Variants in DLGAP2 observed in about 807,000 individuals in gnomAD.
The protein encoded by DLGAP2 is disks large-associated protein 2.
In DLGAP2, 26 loss-of-function variants were observed where a neutral mutation model predicts 100.3. The observed-to-expected ratio is 0.26, with a 90% CI of 0.19 to 0.36. The LOEUF (loss-of-function observed/expected upper bound fraction) is 0.36. Among genes scored for constraint, DLGAP2 ranks in the 10% least tolerant of loss-of-function variants. DLGAP2 has a pLI of 1.00. For missense variants in DLGAP2, 1,858 were observed against 1,453.2 expected (o/e 1.28, Z -4.53); for synonymous variants, 886 against 630.1 (o/e 1.41, Z -6.08).
rs148030289 is a variant in DLGAP2 at position 1,372,364 on chromosome 8, C to T, written c.106+113481C>T. The stretch of plus-strand genomic sequence containing the variant: ...TGTTTAATGTGCTTCCAACACTTAC[C>T]GAGGGCCGACTCTGCAGGCGAGCAA... On this transcript the variant is annotated intron_variant, in intron 3 of 14. Coordinates refer to ENST00000637795, the MANE Select transcript of DLGAP2 (RefSeq NM_001346810.2). Among the ~76,000 whole-genome samples, 637 of 152,210 alleles carry T rather than the reference C, an allele frequency of 4.2e-3. 6 individuals carry two copies. Among genetic ancestry groups the T allele is most frequent in the African/African-American group, 0.014 (599 of 41,516 alleles).
intron 5 of DLGAP2, among the ~76,000 whole-genome samples, chr8:1,554,846 T>A (rs535880725): frequency 7.2e-6 from 1 of 138,028 alleles, no homozygotes; most frequent in Non-Finnish European, 1.5e-5. Context: ...GCTTATGGGG[T>A]GCTTTCAACT....
At chr8:1,346,183 C>T (rs1801550687) in intron 3 of DLGAP2, among the ~76,000 whole-genome samples, 1 of 152,220 alleles carries the variant, frequency 6.6e-6, no homozygotes, top group Admixed American at 6.5e-5. Flanking sequence ...TTTGAGTTCC[C>T]ATACAGAGCT....
At chr8:1,344,776 A>G (rs1237717687) in intron 3 of DLGAP2, among the ~76,000 whole-genome samples, 2 of 152,160 alleles carry the variant, frequency 1.3e-5, no homozygotes, top group African/African-American at 4.8e-5. Context: ...GATCACTGGT[A>G]ACTGAGGCAT....
chr8:906,058 C>T (rs564744936), intron 1 of DLGAP2, among the ~76,000 whole-genome samples: 21 of 152,326 alleles, frequency 1.4e-4, no homozygotes, highest in Admixed American at 5.2e-4. Flanking sequence ...CTGGGGATGC[C>T]GGGGCAGGGC....
intron 2 of DLGAP2, among the ~76,000 whole-genome samples, chr8:1,026,742 C>T (rs762096509): frequency 1.3e-5 from 2 of 152,194 alleles, no homozygotes; most frequent in Non-Finnish European, 2.9e-5. Flanking sequence ...AGGTTTCTTA[C>T]TCATGCAAAA....
At chr8:1,364,502 C>CGGGGG (rs139560352) in intron 3 of DLGAP2, among the ~76,000 whole-genome samples, 3 of 141,516 alleles carry the variant, frequency 2.1e-5, no homozygotes, top group African/African-American at 8.1e-5. Flanking sequence ...ATGGGAAGGG[C>CGGGGG]GGGGGGGGTG....
At chr8:1,205,161 G>A (rs1267134373) in intron 2 of DLGAP2, among the ~76,000 whole-genome samples, 2 of 152,266 alleles carry the variant, frequency 1.3e-5, no homozygotes, top group African/African-American at 2.4e-5. Flanking sequence ...GGTCCATCGC[G>A]TTTTTTCCTC....
chr8:944,254 G>A (rs777814524), intron 2 of DLGAP2, among the ~76,000 whole-genome samples: 3 of 149,916 alleles, frequency 2.0e-5, no homozygotes, highest in Non-Finnish European at 3.0e-5. Flanking sequence ...GGTGGTAATT[G>A]ATCCTTGTGG....
intron 2 of DLGAP2, among the ~76,000 whole-genome samples, chr8:957,630 A>T (rs1360688673): frequency 6.6e-6 from 1 of 152,220 alleles, no homozygotes; most frequent in Non-Finnish European, 1.5e-5. Flanking sequence ...GTGTTGAAAT[A>T]GTCAAATGAC....
chr8:1,407,890 G>C (rs35591395), intron 3 of DLGAP2, among the ~76,000 whole-genome samples: 36,728 of 149,420 alleles, frequency 0.25, 4,668 homozygotes, highest in East Asian at 0.35. Context: ...TTGTCCTCTG[G>C]AGTCATGTAT....
intron 3 of DLGAP2, among the ~76,000 whole-genome samples, chr8:1,405,294 T>C (rs376708963): frequency 0.014 from 59 of 4,086 alleles, no homozygotes; most frequent in Admixed American, 0.031. Context: ...GCTCCCTCCT[T>C]GTCCTCCAGA....
chr8:753,985 A>G (rs560314204), intron 1 of DLGAP2: 1 of 152,304 alleles, frequency 6.6e-6, no homozygotes, highest in Admixed American at 6.5e-5. Flanking sequence ...TCCCCATTCA[A>G]CAGCCCTGCC....
At chr8:1,124,664 C>G (rs1418621844) in intron 2 of DLGAP2, among the ~76,000 whole-genome samples, 1 of 152,198 alleles carries the variant, frequency 6.6e-6, no homozygotes, top group African/African-American at 2.4e-5. Context: ...TTTAGCTAAT[C>G]TGTGTTTTTG....
intron 6 of DLGAP2, among the ~76,000 whole-genome samples, chr8:1,595,560 G>T (rs1166021306): frequency 6.6e-6 from 1 of 150,722 alleles, no homozygotes; most frequent in African/African-American, 2.4e-5. Context: ...CCAGCTACTC[G>T]GGAGGCTGAG....
intron 2 of DLGAP2, among the ~76,000 whole-genome samples, chr8:1,163,499 C>G (rs968399724): frequency 6.6e-6 from 1 of 152,226 alleles, no homozygotes; most frequent in Non-Finnish European, 1.5e-5. Context: ...ATTTATTCAC[C>G]AAGATTCCAA....
At chr8:1,165,727 T>C (rs1797002412) in intron 2 of DLGAP2, among the ~76,000 whole-genome samples, 1 of 152,278 alleles carries the variant, frequency 6.6e-6, no homozygotes, top group Admixed American at 6.5e-5. Context: ...AACAATATTA[T>C]GAAGATTTGC....
At chr8:844,584 C>G (rs183066947) in intron 1 of DLGAP2, among the ~76,000 whole-genome samples, 2 of 152,306 alleles carry the variant, frequency 1.3e-5, no homozygotes, top group Non-Finnish European at 1.5e-5. Flanking sequence ...CTCTTGACCC[C>G]CTTCCCAGCC....
chr8:1,201,718 C>G (rs1170670526), intron 2 of DLGAP2, among the ~76,000 whole-genome samples: 1 of 152,188 alleles, frequency 6.6e-6, no homozygotes, highest in Non-Finnish European at 1.5e-5. Context: ...GGAGCTTGAC[C>G]CAGAGCACAT....
At chr8:1,681,606 C>T (rs181306098) in intron 12 of DLGAP2, among the ~76,000 whole-genome samples, 32 of 150,524 alleles carry the variant, frequency 2.1e-4, no homozygotes, top group Admixed American at 8.0e-4. Context: ...TGCAGTGAGC[C>T]GAGATCTCAC....
Sources: gnomAD v4.1 joint callset for allele counts (sites outside exome capture counted in the v4.1 genomes callset) on GRCh38, gnomAD v4.1.1 for gene constraint, MANE v1.5 for transcripts, NCBI Gene and HGNC (gene_info 2026-07-23, HGNC 2026-07-21) for gene names.